Variants in GRK7 observed in about 807,000 individuals in gnomAD.
GRK7 encodes rhodopsin kinase GRK7.
Under a neutral mutation model 34.1 loss-of-function variants are expected in GRK7, and 24 were observed. The observed-to-expected ratio is 0.70, with a 90% confidence interval of 0.51 to 0.99. The LOEUF is 0.99. Among genes scored for constraint, GRK7 ranks in the 50% least tolerant of loss-of-function variants. GRK7 has a pLI of 0.00. For synonymous variants in GRK7, 256 were observed against 279.4 expected (o/e 0.92, Z 0.84); for missense variants, 644 against 707.3 (o/e 0.91, Z 1.02).
At chr3:141,750,795 A>G in the GRK7 span, among the ~76,000 whole-genome samples, 2 of 149,166 alleles carry the variant, frequency 1.3e-5, no homozygotes, top group Admixed American at 1.3e-4. Flanking sequence ...ACCCTAACAC[A>G]TTCCCATCAG....
chr3:141,815,392 G>A (rs1459029766), intron 5 of GRK7, among the ~76,000 whole-genome samples: 1 of 152,100 alleles, frequency 6.6e-6, no homozygotes, highest in Non-Finnish European at 1.5e-5. Flanking sequence ...TGTGGAAGAT[G>A]TTTCTTAATC....
chr3:141,756,010 A>T, the GRK7 span, among the ~76,000 whole-genome samples: 1 of 61,094 alleles, frequency 1.6e-5, no homozygotes. Context: ...CAGCAGTTTA[A>T]AAAAAAAAAA....
chr3:141,755,939 T>C, the GRK7 span, among the ~76,000 whole-genome samples: 1 of 150,050 alleles, frequency 6.7e-6, no homozygotes, highest in Non-Finnish European at 1.5e-5. Flanking sequence ...ATCCCCAACC[T>C]GGAAACAACC....
chr3:141,752,600 T>C, the GRK7 span, among the ~76,000 whole-genome samples: 1 of 152,250 alleles, frequency 6.6e-6, no homozygotes, highest in African/African-American at 2.4e-5. Flanking sequence ...ATCAAACTTG[T>C]ATAGCCCTTA....
At chr3:141,796,112 C>A (rs1710869456) in intron 4 of GRK7, among the ~76,000 whole-genome samples, 1 of 152,188 alleles carries the variant, frequency 6.6e-6, no homozygotes, top group Non-Finnish European at 1.5e-5. Flanking sequence ...GCATTTGAAT[C>A]CTGGTTCTGC....
At chr3:141,775,543 ACATGTGGCTACTTATTT>A in intron 2 of GRK7, among the ~76,000 whole-genome samples, 1 of 152,304 alleles carries the variant, frequency 6.6e-6, no homozygotes, top group East Asian at 1.9e-4. Context: ...ATAAGTAGCC[ACATGTGGCTACTTATTT>A]CAAATACTAA....
rs1393827107 is a variant in GRK7 at position 141,765,506 on chromosome 3, T to C, written c.-447T>C. On this transcript the variant is annotated 5_prime_UTR_variant, in exon 1 of 6. Transcript: ENST00000682958. ...CTACTCCTATCAACCTGGGCTAGGC[T>C]TGTGACCAGTAGAATGTGGCAGAAG... Among the ~76,000 whole-genome samples the C allele has an allele frequency of 6.6e-6, 1 of 152,156 alleles. No individual in the cohort carries two copies. The highest frequency in any genetic ancestry group is 1.5e-5 in the Non-Finnish European group (1 of 68,020).
chr3:141,789,355 T>A (rs749489052), intron 4 of GRK7, among the ~76,000 whole-genome samples: 22 of 152,152 alleles, frequency 1.4e-4, no homozygotes, highest in South Asian at 1.0e-3. Context: ...CTCAGGCAGG[T>A]ACTCCCTGCA....
At chr3:141,765,824 A>G (rs892987536) in intron 1 of GRK7, among the ~76,000 whole-genome samples, 86 bp downstream of exon 1, 20 of 152,358 alleles carry the variant, frequency 1.3e-4, no homozygotes, top group Admixed American at 1.0e-3. Context: ...AATGAAACAT[A>G]GGCCAGAGCT....
chr3:141,808,569 CG>C (rs1202373868), intron 5 of GRK7, among the ~76,000 whole-genome samples: 5 of 151,712 alleles, frequency 3.3e-5, no homozygotes, highest in South Asian at 4.2e-4. Flanking sequence ...AAAAATTAGC[CG>C]GGGGCGGTGG....
At chr3:141,781,509 C>T (rs1347330778) in intron 4 of GRK7, among the ~76,000 whole-genome samples, 3 of 150,414 alleles carry the variant, frequency 2.0e-5, no homozygotes, top group Non-Finnish European at 4.4e-5. Flanking sequence ...TGCACTCCAG[C>T]CTGCTCGACA....
the GRK7 span, among the ~76,000 whole-genome samples, chr3:141,753,710 G>T: frequency 1.3e-5 from 2 of 152,148 alleles, no homozygotes; most frequent in African/African-American, 4.8e-5. Flanking sequence ...TTATTATACT[G>T]CTGTCATATC....
intron 2 of GRK7, among the ~76,000 whole-genome samples, chr3:141,776,218 C>A (rs1029769994): frequency 6.6e-6 from 1 of 151,802 alleles, no homozygotes; most frequent in Non-Finnish European, 1.5e-5. Context: ...ACCCAGGAGG[C>A]GGAGTTTGCA....
Position 141,816,932 on chromosome 3 carries a change from T to G in GRK7, c.1544T>G (p.Ile515Arg). The change falls in exon 6 of 6, where the codon ATA (isoleucine) becomes AGA (arginine). Residue 515 changes from isoleucine to arginine, a missense_variant. Coordinates refer to ENST00000682958, the MANE Select transcript of GRK7 (RefSeq NM_139209.3). ...FKNFATGAVPIAWQEEIIETG... is the reference protein window; with the variant it reads ...FKNFATGAVPRAWQEEIIETG... Reference sequence around the variant, plus strand: ...AACTTTGCGACAGGTGCTGTTCCTATAGCATGGCAGGAAGAAATTATAGAA... The same window carrying G: ...AACTTTGCGACAGGTGCTGTTCCTAGAGCATGGCAGGAAGAAATTATAGAA... The G allele has an allele frequency of 1.2e-6, 2 of 1,614,038 alleles. No homozygotes were observed. Among genetic ancestry groups the G allele is most frequent in the Non-Finnish European group, 1.7e-6 (2 of 1,179,944 alleles).
intron 4 of GRK7, among the ~76,000 whole-genome samples, chr3:141,788,369 TGTA>T (rs1404612066): frequency 6.6e-6 from 1 of 151,818 alleles, no homozygotes; most frequent in East Asian, 1.9e-4. Context: ...CAAGAGCTAC[TGTA>T]ATAATCTGCA....
chr3:141,757,129 C>CTTTTTTTTTTTTTTTTTTT, the GRK7 span, among the ~76,000 whole-genome samples: 41 of 101,342 alleles, frequency 4.0e-4, no homozygotes, highest in South Asian at 9.3e-4. Flanking sequence ...AGATCTTCTT[C>CTTTTTTTTTTTTTTTTTTT]TTTTTTTTTT....
intron 4 of GRK7, among the ~76,000 whole-genome samples, chr3:141,781,843 T>G (rs16851783): frequency 0.049 from 7,478 of 152,264 alleles, 642 homozygotes; most frequent in African/African-American, 0.17. Context: ...TCTCTGGAAT[T>G]CTAACATCTT....
intron 4 of GRK7, among the ~76,000 whole-genome samples, chr3:141,797,452 G>C (rs1303777191): frequency 6.6e-6 from 1 of 152,194 alleles, no homozygotes; most frequent in East Asian, 1.9e-4. Context: ...CTGGGAACGA[G>C]AACAAAGCGG....
At chr3:141,796,054 C>T (rs745763895) in intron 4 of GRK7, among the ~76,000 whole-genome samples, 7 of 152,116 alleles carry the variant, frequency 4.6e-5, no homozygotes, top group African/African-American at 1.7e-4. Context: ...TTAGATCATG[C>T]GCAGCTGATG....
Sources: gnomAD v4.1 joint callset for allele counts (sites outside exome capture counted in the v4.1 genomes callset) on GRCh38, gnomAD v4.1.1 for gene constraint, MANE v1.5 for transcripts, NCBI Gene and HGNC (gene_info 2026-07-23, HGNC 2026-07-21) for gene names.